The following ITPR2 variants were observed in gnomAD, a reference collection of about 807,000 sequenced individuals.
ITPR2 encodes the protein inositol 1,4,5-trisphosphate-gated calcium channel ITPR2.
ITPR2 carries 207 observed loss-of-function variants against 317.1 expected under a neutral mutation model. That is an observed-to-expected ratio of 0.65 (90% CI 0.58 to 0.73). ITPR2 has a LOEUF of 0.73. ITPR2 is among the 30% of genes least tolerant of loss of function. The probability of loss-of-function intolerance (pLI) is 0.00; values close to 1 mark genes in which losing one functional copy is unlikely to be tolerated. For synonymous variants in ITPR2, 1,156 were observed against 1,149.1 expected, an observed-to-expected ratio of 1.01 and a Z score of -0.12; for missense variants, 2,613 against 3,284.0, an observed-to-expected ratio of 0.80 and a Z score of 4.99.
chr12:26,632,666 G>C (rs971491410), intron 21 of ITPR2, among the ~76,000 whole-genome samples: 1 of 152,164 alleles, frequency 6.6e-6, no homozygotes, highest in African/African-American at 2.4e-5. Context: ...AATTTGAATA[G>C]AAAACCATTA....
chr12:26,417,608 C>T (rs758454027), intron 50 of ITPR2, among the ~76,000 whole-genome samples: 8 of 152,172 alleles, frequency 5.3e-5, no homozygotes, highest in Non-Finnish European at 1.0e-4. Flanking sequence ...TCCCCTTCAC[C>T]TTCCACCATG....
In ITPR2 at chr12:26,398,865, C is replaced by G; in HGVS notation, c.7696+11G>C. The stretch of plus-strand genomic sequence containing the variant: ...ATTCATCTATTATTTTAGCATCTGC[C>G]GAACACTTACCACAGATGAAACAAG... On this transcript the variant is annotated intron_variant, in intron 54 of 56. Transcript: ENST00000381340. 6.2e-7 allele frequency: 1 copy of G among 1,603,516 alleles called. No individual in the cohort carries two copies. Among genetic ancestry groups the G allele is most frequent in the Non-Finnish European group, 8.5e-7 (1 of 1,176,350 alleles).
At chr12:26,793,732 G>T (rs1003347744) in intron 1 of ITPR2, among the ~76,000 whole-genome samples, 2 of 152,016 alleles carry the variant, frequency 1.3e-5, no homozygotes, top group Non-Finnish European at 2.9e-5. Context: ...TGCTATTTTT[G>T]GTAGTTAACA....
intron 32 of ITPR2, among the ~76,000 whole-genome samples, chr12:26,590,889 G>C (rs1463774587): frequency 1.3e-5 from 2 of 152,026 alleles, no homozygotes; most frequent in African/African-American, 2.4e-5. Flanking sequence ...AGACCAGCCT[G>C]GCCAACATGG....
chr12:26,812,056 G>C (rs182430167), intron 1 of ITPR2, among the ~76,000 whole-genome samples: 2 of 145,852 alleles, frequency 1.4e-5, no homozygotes, highest in East Asian at 2.1e-4. Flanking sequence ...CCTGCTACTC[G>C]GGAGGCTGAG....
chr12:26,459,748 T>C (rs1424158822), intron 45 of ITPR2, among the ~76,000 whole-genome samples: 1 of 152,220 alleles, frequency 6.6e-6, no homozygotes, highest in Non-Finnish European at 1.5e-5. Context: ...GGAAATCTCA[T>C]CTACATCTGC....
At chr12:26,468,534 G>A (rs1225252486) in intron 45 of ITPR2, among the ~76,000 whole-genome samples, 3 of 144,556 alleles carry the variant, frequency 2.1e-5, no homozygotes, top group Admixed American at 7.1e-5. Context: ...TAGAGTGCCT[G>A]CTATATTCTA....
rs1434721523 is a variant in ITPR2 at position 26,461,621 on chromosome 12, CATATAAATATATAT to C, written c.6342+13661_6342+13674del. ...AAGCTGACAATAAGAAAAAGAAAAG[CATATAAATATATAT>C]ATATATATATATATATATATATATA... On this transcript the variant is annotated intron_variant, in intron 45 of 56. Transcript: ENST00000381340. Among the ~76,000 whole-genome samples, 297 of 119,410 alleles carry C rather than the reference CATATAAATATATAT, an allele frequency of 2.5e-3. 6 individuals carry two copies. The highest frequency in any genetic ancestry group is 0.011 in the African/African-American group (277 of 24,484). 78.3% of individuals were successfully genotyped at this position (119,410 alleles called of 152,430 possible). A position where few individuals can be genotyped will look rare whatever the true frequency, so the allele number is the denominator to read the frequency against.
chr12:26,615,786 G>A (rs1946360220), intron 26 of ITPR2, among the ~76,000 whole-genome samples: 1 of 152,006 alleles, frequency 6.6e-6, no homozygotes, highest in South Asian at 2.1e-4. Flanking sequence ...AAATGCAAGG[G>A]GAAATTGATA....
At chr12:26,640,018 G>T (rs982469769) in intron 21 of ITPR2, among the ~76,000 whole-genome samples, 12 of 152,066 alleles carry the variant, frequency 7.9e-5, no homozygotes, top group Non-Finnish European at 1.6e-4. Flanking sequence ...ATGGGTCTAT[G>T]CCAGCATTCG....
intron 37 of ITPR2, among the ~76,000 whole-genome samples, chr12:26,522,826 G>T (rs1311157545): frequency 5.3e-5 from 8 of 152,096 alleles, no homozygotes; most frequent in Middle Eastern, 3.4e-3. Flanking sequence ...AAGAAAAAAA[G>T]CCATGCTTCC....
intron 37 of ITPR2, among the ~76,000 whole-genome samples, chr12:26,506,352 T>C (rs1943183362): frequency 6.6e-6 from 1 of 151,158 alleles, no homozygotes; most frequent in Non-Finnish European, 1.5e-5. Context: ...CTAATAAAAA[T>C]AGGAAAATAA....
At chr12:26,812,930 T>C (rs1008212839) in intron 1 of ITPR2, among the ~76,000 whole-genome samples, 1 of 152,216 alleles carries the variant, frequency 6.6e-6, no homozygotes, top group Non-Finnish European at 1.5e-5. Context: ...ATTTTCTAGA[T>C]AGTCATGTCA....
intron 21 of ITPR2, among the ~76,000 whole-genome samples, chr12:26,638,426 T>C (rs542699837): frequency 6.6e-6 from 1 of 152,292 alleles, no homozygotes; most frequent in South Asian, 2.1e-4. Flanking sequence ...AAAATTTCCA[T>C]CACCCTAGAA....
At chr12:26,548,948 A>G (rs888883427) in intron 37 of ITPR2, among the ~76,000 whole-genome samples, 3 of 152,212 alleles carry the variant, frequency 2.0e-5, no homozygotes, top group African/African-American at 7.2e-5. Context: ...AATTCAATAA[A>G]AATCTGTTAC....
chr12:26,526,273 A>G (rs887845298), intron 37 of ITPR2, among the ~76,000 whole-genome samples: 2 of 152,230 alleles, frequency 1.3e-5, no homozygotes, highest in African/African-American at 4.8e-5. Context: ...TAGAGTTGTC[A>G]AGAAAGGCAT....
At chr12:26,678,779 C>T (rs1225830362) in intron 13 of ITPR2, among the ~76,000 whole-genome samples, 2 of 152,212 alleles carry the variant, frequency 1.3e-5, no homozygotes, top group African/African-American at 4.8e-5. Context: ...TGCATGCTCT[C>T]TAGTCAGTCC....
At chr12:26,442,999 A>G (rs2136737881) in intron 46 of ITPR2, among the ~76,000 whole-genome samples, 1 of 152,220 alleles carries the variant, frequency 6.6e-6, no homozygotes, top group Middle Eastern at 3.4e-3. Context: ...ATTTTGACCC[A>G]CACCTCCTGG....
At chr12:26,808,913 G>T (rs1950684438) in intron 1 of ITPR2, among the ~76,000 whole-genome samples, 2 of 152,160 alleles carry the variant, frequency 1.3e-5, no homozygotes, top group African/African-American at 4.8e-5. Flanking sequence ...ACGTTATGAG[G>T]TTAACTCCTT....
Sources: allele counts gnomAD v4.1 joint callset (sites outside exome capture counted in the v4.1 genomes callset), GRCh38; gene constraint gnomAD v4.1.1; transcripts MANE v1.5; gene names NCBI Gene and HGNC (gene_info 2026-07-23, HGNC 2026-07-21).